XKR4: variants seen among roughly 807,000 people sequenced by gnomAD.
XKR4 encodes XK-related protein 4.
In XKR4, 12 loss-of-function variants were observed where a neutral mutation model predicts 53.9. That is an observed-to-expected ratio of 0.22 (90% CI 0.14 to 0.36). The LOEUF is 0.36. Among genes scored for constraint, XKR4 ranks in the 10% least tolerant of loss-of-function variants. XKR4 has a pLI of 1.00. For synonymous variants in XKR4, 354 were observed against 362.4 expected, an observed-to-expected ratio of 0.98 and a Z score of 0.26; for missense variants, 799 against 859.5, an observed-to-expected ratio of 0.93 and a Z score of 0.88.
At chr8:55,490,703 GT>G (rs542072799) in intron 2 of XKR4, among the ~76,000 whole-genome samples, 180 of 151,988 alleles carry the variant, frequency 1.2e-3, no homozygotes, top group Non-Finnish European at 2.3e-3. Context: ...TACGTGACAT[GT>G]TTTTTTTAAT....
At chr8:55,440,488 T>C (rs987464232) in intron 2 of XKR4, among the ~76,000 whole-genome samples, 6 of 152,150 alleles carry the variant, frequency 3.9e-5, no homozygotes, top group Non-Finnish European at 8.8e-5. Context: ...GGGAATTATT[T>C]GGGAGGTGGG....
chr8:55,520,014 G>A (rs1184987137), intron 2 of XKR4, among the ~76,000 whole-genome samples: 2 of 152,210 alleles, frequency 1.3e-5, no homozygotes, highest in South Asian at 2.1e-4. Flanking sequence ...AGCTAAAGGA[G>A]TGCTCAGAGT....
intron 1 of XKR4, among the ~76,000 whole-genome samples, chr8:55,103,851 GTATATATATATATATATATATA>G (rs60831330): frequency 5.9e-4 from 63 of 106,012 alleles, no homozygotes; most frequent in Middle Eastern, 5.5e-3. Flanking sequence ...AAATGACTTT[GTATATATATATATATATATATA>G]TATATATATA....
At chr8:55,242,790 G>A (rs1049929370) in intron 1 of XKR4, among the ~76,000 whole-genome samples, 1 of 152,240 alleles carries the variant, frequency 6.6e-6, no homozygotes, top group Admixed American at 6.5e-5. Context: ...TCTAGTCTGC[G>A]GGCATTACCA....
intron 1 of XKR4, among the ~76,000 whole-genome samples, chr8:55,125,137 A>G (rs546356583): frequency 6.6e-6 from 1 of 152,336 alleles, no homozygotes; most frequent in African/African-American, 2.4e-5. Flanking sequence ...CCTATTTTTA[A>G]AAAATCCATT....
chr8:55,527,493 G>T lies in XKR4; in HGVS notation c.*3266G>T, dbSNP rs1806894961. On this transcript the variant is annotated 3_prime_UTR_variant, in exon 3 of 3. Transcript: ENST00000327381. ...TTCTAAATATGAAACCATGTTTAAT[G>T]AATATATATAATGTGTGTGTGTGTA... is the stretch of plus-strand genomic sequence containing the variant. 6.6e-6 allele frequency: 1 copy of T among 152,162 alleles called. No individual in the cohort carries two copies. The highest frequency in any genetic ancestry group is 1.5e-5 in the Non-Finnish European group (1 of 68,028). The allele number at this position is 152,162 out of a possible 1,614,324, so 9.4% of individuals were successfully genotyped here. A position where few individuals can be genotyped will look rare whatever the true frequency, so the allele number is the denominator to read the frequency against.
At chr8:55,422,612 A>G (rs546454908) in intron 2 of XKR4, among the ~76,000 whole-genome samples, 17 of 152,360 alleles carry the variant, frequency 1.1e-4, no homozygotes, top group African/African-American at 3.8e-4. Context: ...GTGCAAGAGC[A>G]GCTGAGAAAG....
intron 1 of XKR4, among the ~76,000 whole-genome samples, chr8:55,291,303 C>G (rs1045964748): frequency 2.0e-5 from 3 of 152,130 alleles, no homozygotes; most frequent in African/African-American, 7.2e-5. Context: ...TGGACTGATT[C>G]TTCTCATGTT....
At chr8:55,184,423 A>G (rs1817351230) in intron 1 of XKR4, among the ~76,000 whole-genome samples, 1 of 152,168 alleles carries the variant, frequency 6.6e-6, no homozygotes, top group South Asian at 2.1e-4. Context: ...TACTCAGCGC[A>G]ACTTGTGCTT....
At chr8:55,461,994 C>A (rs1479528742) in intron 2 of XKR4, among the ~76,000 whole-genome samples, 1 of 152,032 alleles carries the variant, frequency 6.6e-6, no homozygotes, top group South Asian at 2.1e-4. Context: ...TAATCTACAT[C>A]TACTTGGTGT....
At chr8:55,156,400 C>T (rs574711898) in intron 1 of XKR4, among the ~76,000 whole-genome samples, 5 of 99,308 alleles carry the variant, frequency 5.0e-5, no homozygotes, top group East Asian at 2.8e-4. Context: ...CGCATAGTCA[C>T]GGCGTAAGAT....
chr8:55,344,841 C>G (rs186414945), intron 1 of XKR4, among the ~76,000 whole-genome samples: 11 of 152,342 alleles, frequency 7.2e-5, no homozygotes. Context: ...ACTTCCTCCT[C>G]TAGGTCTAAG....
intron 1 of XKR4, chr8:55,135,500 T>A (rs1480763): frequency 0.57 from 241,306 of 423,146 alleles, 71,537 homozygotes; most frequent in South Asian, 0.69. Context: ...TCACTCTTTG[T>A]CCATCTGTAA....
intron 1 of XKR4, among the ~76,000 whole-genome samples, chr8:55,330,084 C>T (rs116739915): frequency 0.03 from 4,540 of 152,186 alleles, 220 homozygotes; most frequent in African/African-American, 0.1. Context: ...TCAGTATTAT[C>T]GTCAGCAGCA....
intron 2 of XKR4, among the ~76,000 whole-genome samples, chr8:55,416,455 G>A (rs775146643): frequency 5.9e-5 from 9 of 152,096 alleles, no homozygotes; most frequent in African/African-American, 9.7e-5. Context: ...AGTCTCATTC[G>A]CTGGAATAAT....
chr8:55,325,417 G>C (rs1803278296), intron 1 of XKR4, among the ~76,000 whole-genome samples: 1 of 152,022 alleles, frequency 6.6e-6, no homozygotes, highest in Admixed American at 6.6e-5. Context: ...CCAAGCAGGG[G>C]GGCAGAAAGA....
chr8:55,191,792 C>G (rs570376748), intron 1 of XKR4, among the ~76,000 whole-genome samples: 40 of 150,752 alleles, frequency 2.7e-4, no homozygotes, highest in African/African-American at 9.5e-4. Flanking sequence ...ACATTCTTGA[C>G]AAAGAATCAG....
intron 2 of XKR4, among the ~76,000 whole-genome samples, chr8:55,438,148 CAA>C (rs371336409): frequency 6.8e-6 from 1 of 146,020 alleles, no homozygotes; most frequent in Non-Finnish European, 1.5e-5. Context: ...CATTACCAGA[CAA>C]AAAAAAAAGT....
chr8:55,495,227 C>T (rs1431728560), intron 2 of XKR4, among the ~76,000 whole-genome samples: 1 of 152,182 alleles, frequency 6.6e-6, no homozygotes, highest in Non-Finnish European at 1.5e-5. Context: ...GCACTGACCA[C>T]AGGGAGAAGC....
Sources: gnomAD v4.1 joint callset for allele counts (sites outside exome capture counted in the v4.1 genomes callset) on GRCh38, gnomAD v4.1.1 for gene constraint, MANE v1.5 for transcripts, NCBI Gene and HGNC (gene_info 2026-07-23, HGNC 2026-07-21) for gene names.